The following FRAS1 variants were observed in gnomAD, a reference collection of about 807,000 sequenced individuals.
FRAS1 encodes the protein Fraser extracellular matrix complex subunit 1.
FRAS1 carries 290 observed loss-of-function variants against 435.2 expected under a neutral mutation model. The observed-to-expected ratio is 0.67, with a 90% CI of 0.61 to 0.73. The LOEUF (loss-of-function observed/expected upper bound fraction) is 0.73, where lower values mean the gene tolerates loss of function less well. Among genes scored for constraint, FRAS1 ranks in the 30% least tolerant of loss-of-function variants. FRAS1 has a pLI of 0.00. For synonymous variants in FRAS1, 1,800 were observed against 1,851.0 expected (o/e 0.97, Z 0.71); for missense variants, 4,860 against 5,001.5 (o/e 0.97, Z 0.85).
At chr4:78,192,929 T>C (rs981242138) in intron 2 of FRAS1, among the ~76,000 whole-genome samples, 7 of 152,260 alleles carry the variant, frequency 4.6e-5, no homozygotes, top group African/African-American at 1.4e-4. Context: ...AATTTCCCTC[T>C]ACACACTGCT....
chr4:78,181,806 G>C, intron 2 of FRAS1: 1 of 1,612,122 alleles, frequency 6.2e-7, no homozygotes, highest in Non-Finnish European at 8.5e-7. Context: ...CGGGGCAGCG[G>C]GTTCTTGCGG....
intron 2 of FRAS1, among the ~76,000 whole-genome samples, chr4:78,186,950 T>C (rs1466512342): frequency 6.6e-6 from 1 of 152,248 alleles, no homozygotes; most frequent in African/African-American, 2.4e-5. Context: ...TCTTTGAGCC[T>C]AAAATCTGGT....
intron 13 of FRAS1, among the ~76,000 whole-genome samples, chr4:78,285,097 G>A (rs1278353822): frequency 2.0e-5 from 3 of 152,184 alleles, no homozygotes; most frequent in Admixed American, 6.5e-5. Flanking sequence ...ATTTCTGGAT[G>A]CTACATCTGA....
intron 5 of FRAS1, 85 bp from the exon 6 acceptor site, chr4:78,255,157 C>A: frequency 7.3e-7 from 1 of 1,371,448 alleles, no homozygotes; most frequent in South Asian, 1.2e-5. Context: ...TTCTGACCAA[C>A]TGCACTGGCT....
At chr4:78,269,959 A>G (rs943447390) in intron 9 of FRAS1, among the ~76,000 whole-genome samples, 3 of 152,120 alleles carry the variant, frequency 2.0e-5, no homozygotes, top group Non-Finnish European at 4.4e-5. Flanking sequence ...TCCTTTTCCA[A>G]TGAGCAAGTT....
At chr4:78,315,811 T>C in intron 16 of FRAS1, 77 bp downstream of exon 16, 1 of 1,518,480 alleles carries the variant, frequency 6.6e-7, no homozygotes, top group Non-Finnish European at 9.1e-7. Flanking sequence ...TATATGTTGC[T>C]AATTTGGGAA....
At chr4:78,386,792 A>G (rs940011898) in intron 28 of FRAS1, among the ~76,000 whole-genome samples, 6 of 152,134 alleles carry the variant, frequency 3.9e-5, no homozygotes, top group Admixed American at 2.0e-4. Flanking sequence ...AAATTTTACT[A>G]TAATATATTA....
chr4:78,391,007 C>T (rs1302200664), intron 29 of FRAS1, among the ~76,000 whole-genome samples: 1 of 152,228 alleles, frequency 6.6e-6, no homozygotes, highest in East Asian at 1.9e-4. Context: ...GAGCAGAGCA[C>T]ATCGTAGGAG....
At chr4:78,275,410 T>C (rs1206394585) in intron 9 of FRAS1, among the ~76,000 whole-genome samples, 2 of 152,316 alleles carry the variant, frequency 1.3e-5, no homozygotes, top group East Asian at 1.9e-4. Context: ...TTCCTAGCCT[T>C]GATGATTTTT....
At chr4:78,285,871 C>A (rs1280908664) in intron 13 of FRAS1, among the ~76,000 whole-genome samples, 1 of 152,138 alleles carries the variant, frequency 6.6e-6, no homozygotes, top group African/African-American at 2.4e-5. Context: ...TAAGAGTTAG[C>A]TGCTTTTATT....
At chr4:78,392,486 GA>G (rs1732486154) in intron 29 of FRAS1, among the ~76,000 whole-genome samples, 1 of 151,918 alleles carries the variant, frequency 6.6e-6, no homozygotes, top group South Asian at 2.1e-4. Context: ...GTGTTTGTGA[GA>G]TTTTTTTTCT....
chr4:78,104,251 G>T (rs944219289), intron 2 of FRAS1, among the ~76,000 whole-genome samples: 1 of 152,132 alleles, frequency 6.6e-6, no homozygotes, highest in South Asian at 2.1e-4. Flanking sequence ...CCAAGTTACC[G>T]CCAGATTCAC....
chr4:78,292,776 C>T (rs1213939140), intron 14 of FRAS1, among the ~76,000 whole-genome samples: 1 of 152,158 alleles, frequency 6.6e-6, no homozygotes, highest in Non-Finnish European at 1.5e-5. Context: ...TGCAACATAC[C>T]CCAGGATTGG....
intron 2 of FRAS1, among the ~76,000 whole-genome samples, chr4:78,156,943 A>G (rs1720913741): frequency 6.6e-6 from 1 of 151,344 alleles, no homozygotes; most frequent in South Asian, 2.1e-4. Context: ...ATGCCCACAC[A>G]CTCCTGCGCC....
At chr4:78,486,265 G>A (rs541011161) in intron 58 of FRAS1, among the ~76,000 whole-genome samples, 209 of 152,304 alleles carry the variant, frequency 1.4e-3, no homozygotes, top group African/African-American at 4.3e-3. Flanking sequence ...GAAGATTAGC[G>A]AGGTAACAGT....
At chr4:78,176,194 A>G (rs148707849) in intron 2 of FRAS1, among the ~76,000 whole-genome samples, 221 of 152,350 alleles carry the variant, frequency 1.5e-3, no homozygotes, top group African/African-American at 5.1e-3. Flanking sequence ...TACTTCATGT[A>G]TCAACATCTA....
chr4:78,357,828 G>A (rs536327105), intron 20 of FRAS1, among the ~76,000 whole-genome samples: 50 of 152,266 alleles, frequency 3.3e-4, no homozygotes, highest in African/African-American at 9.9e-4. Flanking sequence ...CTGGAGCCCC[G>A]AGTTCAAGGT....
intron 15 of FRAS1, among the ~76,000 whole-genome samples, chr4:78,311,950 A>AT (rs1319480719): frequency 6.6e-6 from 1 of 151,964 alleles, no homozygotes; most frequent in African/African-American, 2.4e-5. Context: ...TATGTTATAG[A>AT]TAGTAGCCTT....
chr4:78,229,608 A>G (rs1194627707), intron 2 of FRAS1, among the ~76,000 whole-genome samples: 3 of 152,274 alleles, frequency 2.0e-5, no homozygotes, highest in African/African-American at 7.2e-5. Flanking sequence ...CTGCCTGGGT[A>G]GTCTGTTAAA....
Sources: gnomAD v4.1 joint callset for allele counts (sites outside exome capture counted in the v4.1 genomes callset) on GRCh38, gnomAD v4.1.1 for gene constraint, MANE v1.5 for transcripts, NCBI Gene and HGNC (gene_info 2026-07-23, HGNC 2026-07-21) for gene names.